Variants in RAP1A observed in about 807,000 individuals in gnomAD.
The protein encoded by RAP1A is ras-related protein Rap-1A.
A neutral mutation model predicts 26.4 loss-of-function variants in RAP1A; 6 were observed. The observed-to-expected ratio is 0.23, with a 90% CI of 0.12 to 0.45. The LOEUF (loss-of-function observed/expected upper bound fraction) is 0.45. Ranked by LOEUF, RAP1A falls within the 20% of genes least tolerant of loss-of-function variation. The probability of loss-of-function intolerance (pLI) is 0.99; values close to 1 mark genes in which losing one functional copy is unlikely to be tolerated. For synonymous variants in RAP1A, 73 were observed against 79.4 expected (o/e 0.92, Z 0.43); for missense variants, 121 against 217.2 (o/e 0.56, Z 2.78).
At chr1:111,631,603 T>C (rs940020052) in intron 1 of RAP1A, among the ~76,000 whole-genome samples, 4 of 152,218 alleles carry the variant, frequency 2.6e-5, no homozygotes, top group Non-Finnish European at 4.4e-5. Context: ...AAGGGACTTT[T>C]GCAATACAAA....
intron 1 of RAP1A, 26 bp from the exon 2 acceptor site, chr1:111,691,308 C>T: frequency 1.3e-5 from 20 of 1,511,190 alleles, no homozygotes; most frequent in Non-Finnish European, 1.7e-5. Flanking sequence ...GTTTCTTAAT[C>T]TTTGATTTTT....
chr1:111,705,482 T>TA lies in RAP1A; in HGVS notation c.468+1005dup, dbSNP rs547658211. Among the ~76,000 whole-genome samples the TA allele has an allele frequency of 6.9e-4, 105 of 151,750 alleles. No homozygotes were observed. The South Asian group carries it at 0.019, about 28-fold the overall frequency. Reference sequence around the variant, plus strand: ...CAGGTTACTTTAAACACCTGGCAGGTAAAAAAAAATTAAGCTTGCTTCAAC... The same window carrying TA: ...CAGGTTACTTTAAACACCTGGCAGGTAAAAAAAAAATTAAGCTTGCTTCAAC... On this transcript the variant is annotated intron_variant, in intron 6 of 7. Coordinates refer to ENST00000369709, the MANE Select transcript of RAP1A (RefSeq NM_002884.4).
intron 1 of RAP1A, among the ~76,000 whole-genome samples, chr1:111,640,011 T>C (rs1362341929): frequency 6.6e-6 from 1 of 152,244 alleles, no homozygotes; most frequent in Non-Finnish European, 1.5e-5. Flanking sequence ...ACCTAAATGC[T>C]TTGTGAATGT....
At chr1:111,698,221 A>G (rs896708377) in intron 4 of RAP1A, among the ~76,000 whole-genome samples, 9 of 152,118 alleles carry the variant, frequency 5.9e-5, no homozygotes, top group African/African-American at 1.9e-4. Context: ...ATTTTTCTCC[A>G]TGCACATAGA....
At position 111,652,288 on chromosome 1, in the gene RAP1A, CTTGTA is replaced by C. The variant is rs143842147; in HGVS notation, c.-28+32357_-28+32361del. Among the ~76,000 whole-genome samples, 617 of 152,284 alleles carry C rather than the reference CTTGTA, an allele frequency of 4.1e-3. 2 individuals are homozygous for C. The highest frequency in any genetic ancestry group is 8.8e-3 in the Admixed American group (135 of 15,300). ...TTCAAGTATTTTTAGAACCTCTGTTCTTGTATTCATAGACCCTGTGCAAATCTCTA... is the reference window on the plus strand; with the variant it reads ...TTCAAGTATTTTTAGAACCTCTGTTCTTCATAGACCCTGTGCAAATCTCTA... On this transcript the variant is annotated intron_variant, in intron 1 of 7. Transcript: ENST00000369709.
intron 1 of RAP1A, chr1:111,602,267 T>C (rs1398797373): frequency 3.3e-5 from 5 of 152,212 alleles, no homozygotes; most frequent in African/African-American, 1.2e-4. Context: ...TTCAGCAGGA[T>C]AACAGGAAAG....
At position 111,649,458 on chromosome 1, in the gene RAP1A, A is replaced by G. The variant is rs1660189765; in HGVS notation, c.-28+29524A>G. 3 of 344,364 alleles carry G rather than the reference A, an allele frequency of 8.7e-6. No homozygotes were observed. The Admixed American group carries it at 9.4e-5, about 11-fold the overall frequency. 21.3% of individuals were successfully genotyped at this position (344,364 alleles called of 1,614,324 possible). On this transcript the variant is annotated intron_variant, in intron 1 of 7. Coordinates refer to ENST00000369709, the MANE Select transcript of RAP1A (RefSeq NM_002884.4). The stretch of plus-strand genomic sequence containing the variant: ...GAACCAGAGCCCCCAGCACCTGGAT[A>G]GACGCTGGCCAGGCGCCATAGCTGG...
chr1:111,593,978 G>C (rs930529697), intron 1 of RAP1A, among the ~76,000 whole-genome samples: 9 of 152,062 alleles, frequency 5.9e-5, no homozygotes, highest in Non-Finnish European at 8.8e-5. Context: ...TTTTCTCTTA[G>C]GTCAAAACCA....
intron 1 of RAP1A, among the ~76,000 whole-genome samples, chr1:111,545,327 A>C (rs1421733211): frequency 1.3e-5 from 2 of 152,102 alleles, no homozygotes; most frequent in Non-Finnish European, 2.9e-5. Flanking sequence ...GGTGGATGTG[A>C]AGTGGTATCT....
chr1:111,580,983 A>T (rs904833890), intron 1 of RAP1A, among the ~76,000 whole-genome samples: 1 of 151,114 alleles, frequency 6.6e-6, no homozygotes, highest in Non-Finnish European at 1.5e-5. Context: ...CCATGAAAGA[A>T]AGATCCTGGA....
At chr1:111,604,222 T>A (rs1557862798) in intron 1 of RAP1A, 1 of 152,236 alleles carries the variant, frequency 6.6e-6, no homozygotes. Context: ...TGCTCCACAG[T>A]GAAGCTGCCC....
chr1:111,666,878 C>T lies in RAP1A; in HGVS notation c.-27-24456C>T, dbSNP rs112392287. Among the ~76,000 whole-genome samples, 512 of 152,212 alleles carry T rather than the reference C, an allele frequency of 3.4e-3. 1 individual carries two copies. The highest frequency in any genetic ancestry group is 5.4e-3 in the Admixed American group (83 of 15,290). ...GCAAAAGCCCTGTGGCAGAAGGGAG[C>T]ATATCAGGTTTAAGAAACTGAAAGA... On this transcript the variant is annotated intron_variant, in intron 1 of 7. Coordinates refer to ENST00000369709, the MANE Select transcript of RAP1A (RefSeq NM_002884.4).
intron 1 of RAP1A, among the ~76,000 whole-genome samples, chr1:111,620,646 C>G (rs1179574732): frequency 1.3e-5 from 2 of 152,226 alleles, no homozygotes; most frequent in Admixed American, 1.3e-4. Flanking sequence ...TTCCCGCCTT[C>G]TTTACCCTCA....
chr1:111,606,291 T>C (rs1306793116), intron 1 of RAP1A, among the ~76,000 whole-genome samples: 1 of 152,128 alleles, frequency 6.6e-6, no homozygotes, highest in Non-Finnish European at 1.5e-5. Flanking sequence ...TCCTCACCTC[T>C]ATGGTTCTAA....
intron 1 of RAP1A, among the ~76,000 whole-genome samples, chr1:111,589,364 G>A (rs1658431147): frequency 6.6e-6 from 1 of 152,172 alleles, no homozygotes; most frequent in South Asian, 2.1e-4. Context: ...AGGATTATTT[G>A]AGCCCAGGAA....
chr1:111,675,736 G>A (rs938751680), intron 1 of RAP1A, among the ~76,000 whole-genome samples: 3 of 152,150 alleles, frequency 2.0e-5, no homozygotes, highest in African/African-American at 7.2e-5. Flanking sequence ...GCTTTATAGT[G>A]TCCTCACTAT....
intron 1 of RAP1A, among the ~76,000 whole-genome samples, chr1:111,673,594 T>G (rs1179713847): frequency 6.6e-6 from 1 of 152,208 alleles, no homozygotes; most frequent in Non-Finnish European, 1.5e-5. Flanking sequence ...GACTTAAAAT[T>G]TAAACATAGT....
intron 4 of RAP1A, 25 bp from the exon 5 acceptor site, chr1:111,703,311 T>TAAA: frequency 6.9e-7 from 1 of 1,440,960 alleles, no homozygotes; most frequent in African/African-American, 1.5e-5. Flanking sequence ...TATATATTTA[T>TAAA]AATTGCATAT....
At chr1:111,662,222 C>T (rs1411398412) in intron 1 of RAP1A, among the ~76,000 whole-genome samples, 5 of 151,644 alleles carry the variant, frequency 3.3e-5, no homozygotes, top group Non-Finnish European at 7.4e-5. Flanking sequence ...GGTGAAACCC[C>T]GTCTCTACTA....
Sources: gnomAD v4.1 joint callset for allele counts (sites outside exome capture counted in the v4.1 genomes callset) on GRCh38, gnomAD v4.1.1 for gene constraint, MANE v1.5 for transcripts, NCBI Gene and HGNC (gene_info 2026-07-23, HGNC 2026-07-21) for gene names.